The following DQX1 variants were observed in gnomAD, a reference collection of about 807,000 sequenced individuals.
The protein encoded by DQX1 is ATP-dependent RNA helicase homolog DQX1.
Under a neutral mutation model 81.3 loss-of-function variants are expected in DQX1, and 66 were observed. That is an observed-to-expected ratio of 0.81 (90% CI 0.67 to 1.00). The LOEUF is 1.00. Ranked by LOEUF, DQX1 falls within the 50% of genes least tolerant of loss-of-function variation. The pLI is 0.00. For missense variants in DQX1, 798 were observed against 867.9 expected (o/e 0.92, Z 1.01); for synonymous variants, 290 against 350.0 (o/e 0.83, Z 1.91).
chr2:74,519,889 A>G (rs1674981151), intron 9 of DQX1, 26 bp downstream of exon 9: 1 of 1,604,820 alleles, frequency 6.2e-7, no homozygotes, highest in Non-Finnish European at 8.5e-7. Flanking sequence ...AAAATCTGGG[A>G]TTCTATAAAA....
chr2:74,518,332 T>C lies in DQX1; in HGVS notation c.*114A>G. 1.5e-6 allele frequency: 2 copies of C among 1,318,640 alleles called. No individual in the cohort carries two copies. The highest frequency in any genetic ancestry group is 4.4e-5 in the Admixed American group (2 of 45,412). 81.7% of individuals were successfully genotyped at this position (1,318,640 alleles called of 1,614,324 possible). ...TTTCTTGGGACTCAGGTTCCAGGGT[T>C]TACATTTGACCCTAAACTTTGGGCT... is the stretch of plus-strand genomic sequence containing the variant. On this transcript the variant is annotated 3_prime_UTR_variant, in exon 12 of 12. Transcript: ENST00000404568.
rs927481647 is a variant in DQX1, at chr2:74,518,903, T to C, written c.1997+137A>G. The C allele has an allele frequency of 4.1e-6, 4 of 981,562 alleles. No individual in the cohort carries two copies. In the Middle Eastern group the frequency reaches 1.0e-3, roughly 251 times the overall value. 60.8% of individuals were successfully genotyped at this position (981,562 alleles called of 1,614,324 possible). A position where few individuals can be genotyped will look rare whatever the true frequency, so the allele number is the denominator to read the frequency against. ...AGACTTTTAAACTTCTCACCAGCCC[T>C]TCCACAAATCCTGTCTCCTCAGATC... On this transcript the variant is annotated intron_variant, in intron 11 of 11. Coordinates refer to ENST00000404568, the MANE Select transcript of DQX1 (RefSeq NM_133637.3).
rs367904898 is a variant in DQX1, at chr2:74,519,607, C to G, written c.1755G>C (p.Glu585Asp). 1.9e-6 allele frequency: 3 copies of G among 1,614,224 alleles called. No homozygotes were observed. Among genetic ancestry groups the G allele is most frequent in the South Asian group, 1.1e-5 (1 of 91,088 alleles). Residue 585 changes from glutamate (E) to aspartate (D), a missense_variant, in exon 10 of 12, where the codon GAG (glutamate) becomes GAC (aspartate). Glu to Asp is a conservative substitution (Grantham distance 45). Transcript: ENST00000404568. The part of the protein sequence containing the change: ...LPLSLPAFGS[E>D]QNRRDLQKAL... ...CTTTCTGAAGGTCTCTGCGATTCTG[C>G]TCAGAGCCAAAGGCTGGTAGGGACA...
chr2:74,525,394 C>T lies in DQX1; in HGVS notation c.237+99G>A. ...TCCTCATGACCCCACGCAGCCCAGT[C>T]CCCCCTTGCCCAGGGAAAGGCCACT... On this transcript the variant is annotated intron_variant, in intron 2 of 11. Coordinates refer to ENST00000404568, the MANE Select transcript of DQX1 (RefSeq NM_133637.3). The surrounding 1 kb of genome is among the most constrained non-coding windows in gnomAD (Gnocchi z 4.1). 1.5e-6 allele frequency: 2 copies of T among 1,342,630 alleles called. No individual in the cohort carries two copies. 83.2% of individuals were successfully genotyped at this position (1,342,630 alleles called of 1,614,324 possible). A position where few individuals can be genotyped will look rare whatever the true frequency, so the allele number is the denominator to read the frequency against.
At position 74,525,621 on chromosome 2, in the gene DQX1, C is replaced by T. The variant is rs1322734817; in HGVS notation, c.109G>A (p.Glu37Lys). The change falls in exon 2 of 12, where the codon GAG (glutamate) becomes AAG (lysine). Residue 37 changes from glutamate to lysine, a missense_variant. Glu to Lys is a moderately conservative substitution (Grantham distance 56). Transcript: ENST00000404568. This position sits in a 1 kb window ranked among gnomAD's most constrained non-coding sequence, Gnocchi z 4.1. The stretch of plus-strand genomic sequence containing the variant: ...AAGGCTTGGCGCTGCTTCAGCAGCT[C>T]ATAGTAGCGGGAAGAGAAGGGAAGC... ...DGLPFSSRYY[E>K]LLKQRQALPI... 16 of 1,551,756 alleles carry T rather than the reference C, an allele frequency of 1.0e-5. No homozygotes were observed. The highest frequency in any genetic ancestry group is 2.0e-5 in the Admixed American group (1 of 51,002).
rs900289295 is a variant in DQX1, at chr2:74,524,410, G to A, written c.432-103C>T. The stretch of plus-strand genomic sequence containing the variant: ...AGGGACGTATATTTTGATATTGAAG[G>A]TCAGAAAAATATGCTGTGACTTCCT... On this transcript the variant is annotated intron_variant, in intron 3 of 11. Transcript: ENST00000404568. 2.7e-6 allele frequency: 4 copies of A among 1,466,324 alleles called. No individual in the cohort carries two copies. The African/African-American group carries it at 5.6e-5, about 21-fold the overall frequency. The allele number at this position is 1,466,324 out of a possible 1,614,324, so 90.8% of individuals were successfully genotyped here.
Position 74,518,421 on chromosome 2 carries a change from C to T in DQX1, c.*25G>A, listed in dbSNP as rs1674941900. ...ATAATCTAATGTGATGAGATGAACC[C>T]AGCTCCATTCCATAGGCAGGCAGGT... On this transcript the variant is annotated 3_prime_UTR_variant, in exon 12 of 12. Coordinates refer to ENST00000404568, the MANE Select transcript of DQX1 (RefSeq NM_133637.3). 1 of 1,612,766 alleles carries T rather than the reference C, an allele frequency of 6.2e-7. No individual in the cohort carries two copies. The highest frequency in any genetic ancestry group is 8.5e-7 in the Non-Finnish European group (1 of 1,179,194).
In DQX1 at chr2:74,525,778, A is replaced by G. The variant is rs939181741; in HGVS notation, c.-19-30T>C. The stretch of plus-strand genomic sequence containing the variant: ...AGAAGGCAGAGCAGCCAGTAAGGTC[A>G]TATTTGGTGACCGACACCATCTTCC... On this transcript the variant is annotated intron_variant, in intron 1 of 11. Coordinates refer to ENST00000404568, the MANE Select transcript of DQX1 (RefSeq NM_133637.3). This position sits in a 1 kb window ranked among gnomAD's most constrained non-coding sequence, Gnocchi z 4.1. 61 of 1,487,598 alleles carry G rather than the reference A, an allele frequency of 4.1e-5. No individual in the cohort carries two copies. The East Asian group carries it at 9.9e-4, about 24-fold the overall frequency. The allele number at this position is 1,487,598 out of a possible 1,614,324, so 92.1% of individuals were successfully genotyped here.
chr2:74,524,839 C>T (rs534087117), intron 3 of DQX1, among the ~76,000 whole-genome samples, 170 bp downstream of exon 3: 2 of 152,226 alleles, frequency 1.3e-5, no homozygotes, highest in East Asian at 1.9e-4. Flanking sequence ...GTTGTGATTG[C>T]ACCACTGCAC....
Position 74,525,219 on chromosome 2 carries a change from G to A in DQX1, c.238-17C>T. The A allele has an allele frequency of 6.6e-7, 1 of 1,517,602 alleles. No individual in the cohort carries two copies. The highest frequency in any genetic ancestry group is 2.4e-5 in the East Asian group (1 of 41,428). 94.0% of individuals were successfully genotyped at this position (1,517,602 alleles called of 1,614,324 possible). On this transcript the variant is annotated splice_polypyrimidine_tract_variant and intron_variant, in intron 2 of 11. Transcript: ENST00000404568. This position sits in a 1 kb window ranked among gnomAD's most constrained non-coding sequence, Gnocchi z 4.1. Reference sequence around the variant, plus strand: ...CTGAGGGATCTGGGATAGAAGTAGGGAAGGAGAGCCAGTGAGGAAGATGTA... The same window carrying A: ...CTGAGGGATCTGGGATAGAAGTAGGAAAGGAGAGCCAGTGAGGAAGATGTA...
At chr2:74,523,899 T>TTTTG in intron 4 of DQX1, 24 bp downstream of exon 4, 1 of 1,527,056 alleles carries the variant, frequency 6.5e-7, no homozygotes, top group Non-Finnish European at 8.8e-7. Context: ...CAGGCTGTTT[T>TTTTG]TTTTGTTTTG....
At position 74,524,268 on chromosome 2, in the gene DQX1, C is replaced by T. The variant is rs140454701; in HGVS notation, c.471G>A (p.Ser157=). Reference sequence around the variant, plus strand: ...CGCCCCAGGCTCCAGTGCCTCGGGTCGAGGCCACCTCCTGCAGAAGCAGCC... The same window carrying T: ...CGCCCCAGGCTCCAGTGCCTCGGGTTGAGGCCACCTCCTGCAGAAGCAGCC... ...WDRLLLQEVA[S]TRGTGAWGVL... Residue 157 remains serine, a synonymous_variant, in exon 4 of 12, where the codon TCG becomes TCA. Coordinates refer to ENST00000404568, the MANE Select transcript of DQX1 (RefSeq NM_133637.3). 3.2e-5 allele frequency: 51 copies of T among 1,613,650 alleles called. No individual in the cohort carries two copies. Among genetic ancestry groups the T allele is most frequent in the Admixed American group, 2.5e-4 (15 of 59,988 alleles).
intron 8 of DQX1, among the ~76,000 whole-genome samples, chr2:74,522,073 C>T (rs1675045213): frequency 6.6e-6 from 1 of 152,160 alleles, no homozygotes. Context: ...AGGATGAAAT[C>T]CATGAGGAGC....
chr2:74,519,706 A>G lies in DQX1; in HGVS notation c.1656T>C (p.Asn552=), dbSNP rs1162992901. The change falls in exon 10 of 12, where the codon AAT becomes AAC. Residue 552 remains asparagine (N), a synonymous_variant. Transcript: ENST00000404568. ...DEAWCQARGL[N]WAALCQAHKL... ...TATGGGCTTGGCACAATGCTGCCCA[A>G]TTCAGACCTCGAGCCTGGCACCAAG... is the stretch of plus-strand genomic sequence containing the variant. 6.2e-7 allele frequency: 1 copy of G among 1,614,204 alleles called. No homozygotes were observed. The highest frequency in any genetic ancestry group is 1.7e-5 in the Admixed American group (1 of 60,022).
chr2:74,525,600 C>G lies in DQX1; in HGVS notation c.130G>C (p.Ala44Pro). The change falls in exon 2 of 12, where the codon GCC (alanine) becomes CCC (proline). Residue 44 changes from alanine (A) to proline (P), a missense_variant. Coordinates refer to ENST00000404568, the MANE Select transcript of DQX1 (RefSeq NM_133637.3). The surrounding 1 kb of genome is among the most constrained non-coding windows in gnomAD (Gnocchi z 4.1). ...RYYELLKQRQALPIWAARFTF... is the reference protein window; with the variant it reads ...RYYELLKQRQPLPIWAARFTF... ...AAGCGAGCAGCCCAGATGGGCAAGG[C>G]TTGGCGCTGCTTCAGCAGCTCATAG... The G allele has an allele frequency of 6.4e-7, 1 of 1,551,932 alleles. No homozygotes were observed. The highest frequency in any genetic ancestry group is 8.7e-7 in the Non-Finnish European group (1 of 1,147,042).
In DQX1 at chr2:74,518,433, A is replaced by G. The variant is rs191808886; in HGVS notation, c.*13T>C. 6.2e-7 allele frequency: 1 copy of G among 1,613,732 alleles called. No homozygotes were observed. The highest frequency in any genetic ancestry group is 1.1e-5 in the South Asian group (1 of 91,068). ...GATGAGATGAACCCAGCTCCATTCC[A>G]TAGGCAGGCAGGTCACTGCAGGACA... On this transcript the variant is annotated 3_prime_UTR_variant, in exon 12 of 12. Transcript: ENST00000404568.
Position 74,522,931 on chromosome 2 carries a change from G to C in DQX1, c.1228C>G (p.Leu410Val). Residue 410 changes from leucine (L) to valine (V), a missense_variant, in exon 7 of 12, where the codon CTG becomes GTG. Coordinates refer to ENST00000404568, the MANE Select transcript of DQX1 (RefSeq NM_133637.3). ...TTTAGTAGTAACACCAGGGAGCTCA[G>C]ATTCTCCTCACACACCCTGGGTTGT... is the stretch of plus-strand genomic sequence containing the variant. Reference protein sequence around the residue: ...LPQPRVCEENLSSLVLLLKRR... With the variant: ...LPQPRVCEENVSSLVLLLKRR... 1.9e-5 allele frequency: 30 copies of C among 1,614,196 alleles called. No individual in the cohort carries two copies. The highest frequency in any genetic ancestry group is 2.2e-5 in the Non-Finnish European group (26 of 1,180,044).
chr2:74,519,375 T>C, intron 10 of DQX1, 145 bp from the exon 11 acceptor site: 1 of 1,240,994 alleles, frequency 8.1e-7, no homozygotes, highest in Non-Finnish European at 1.1e-6. Context: ...TGGTCTCTAC[T>C]ATACCTCATG....
intron 3 of DQX1, 77 bp downstream of exon 3, chr2:74,524,932 T>G: frequency 2.8e-5 from 42 of 1,496,488 alleles, no homozygotes; most frequent in Non-Finnish European, 3.0e-5. Flanking sequence ...GAGGGTATGG[T>G]GAGATGCCAG....
Sources: allele counts gnomAD v4.1 joint callset (sites outside exome capture counted in the v4.1 genomes callset), GRCh38; gene constraint gnomAD v4.1.1; non-coding constraint Gnocchi (gnomAD v3.1); transcripts MANE v1.5; gene names NCBI Gene and HGNC (gene_info 2026-07-23, HGNC 2026-07-21).